The following NALF1 variants were observed in gnomAD, a reference collection of about 807,000 sequenced individuals.
NALF1 encodes the protein family with sequence similarity 155 member A.
NALF1 carries 3 observed loss-of-function variants against 48.4 expected under a neutral mutation model. The observed-to-expected ratio is 0.06, with a 90% CI of 0.03 to 0.16. The LOEUF (loss-of-function observed/expected upper bound fraction) is 0.16. Among genes scored for constraint, NALF1 ranks in the 10% least tolerant of loss-of-function variants. NALF1 has a pLI of 1.00. For missense variants in NALF1, 526 were observed against 571.5 expected (o/e 0.92, Z 0.81); for synonymous variants, 262 against 245.7 (o/e 1.07, Z -0.62).
chr13:107,534,224 T>G (rs1876732185), intron 1 of NALF1, among the ~76,000 whole-genome samples: 2 of 152,122 alleles, frequency 1.3e-5, no homozygotes, highest in Non-Finnish European at 2.9e-5. Context: ...CAGATGACTC[T>G]GGAAAGTATG....
At chr13:107,761,528 T>G (rs756543018) in intron 1 of NALF1, among the ~76,000 whole-genome samples, 1 of 152,170 alleles carries the variant, frequency 6.6e-6, no homozygotes, top group Non-Finnish European at 1.5e-5. Context: ...AAACTGATAT[T>G]CCACCTAGTC....
At chr13:107,384,327 T>A (rs945210428) in intron 1 of NALF1, among the ~76,000 whole-genome samples, 75 of 152,072 alleles carry the variant, frequency 4.9e-4, no homozygotes, top group African/African-American at 1.8e-3. Flanking sequence ...AACAAGTACA[T>A]CTAACCTCTA....
At chr13:107,592,891 CTTTA>C (rs1241587005) in intron 1 of NALF1, among the ~76,000 whole-genome samples, 1 of 151,842 alleles carries the variant, frequency 6.6e-6, no homozygotes, top group Non-Finnish European at 1.5e-5. Flanking sequence ...TATACACATT[CTTTA>C]TTTCTTTTTC....
In NALF1 at chr13:107,865,745, G is replaced by A; in HGVS notation, c.852C>T (p.Ser284=). The A allele has an allele frequency of 1.9e-6, 3 of 1,614,072 alleles. No individual in the cohort carries two copies. The highest frequency in any genetic ancestry group is 2.5e-6 in the Non-Finnish European group (3 of 1,180,014). The change falls in exon 1 of 3, where the codon AGC becomes AGT. Residue 284 remains serine (S), a synonymous_variant. Coordinates refer to ENST00000375915, the MANE Select transcript of NALF1 (RefSeq NM_001080396.3). ...CCGACTGTAAATATTTGTGGAGCAC[G>A]CTTTCAAACTCTTCGTATTTCTCCT... ...HAQEKYEEFE[S]VLHKYLQSEE...
At chr13:107,638,665 C>T (rs1880058963) in intron 1 of NALF1, among the ~76,000 whole-genome samples, 1 of 152,156 alleles carries the variant, frequency 6.6e-6, no homozygotes, top group Non-Finnish European at 1.5e-5. Flanking sequence ...AAGAGAGTAG[C>T]TGAGAAAGTT....
At chr13:107,679,145 G>A (rs1290848360) in intron 1 of NALF1, among the ~76,000 whole-genome samples, 1 of 151,956 alleles carries the variant, frequency 6.6e-6, no homozygotes, top group African/African-American at 2.4e-5. Context: ...GTTTCCTATA[G>A]TTTAAATATG....
chr13:107,772,695 G>A (rs1877612736), intron 1 of NALF1, among the ~76,000 whole-genome samples: 1 of 152,152 alleles, frequency 6.6e-6, no homozygotes, highest in Non-Finnish European at 1.5e-5. Flanking sequence ...AATATTTGTG[G>A]AAAACACTGT....
At chr13:107,704,157 G>A (rs1202092123) in intron 1 of NALF1, among the ~76,000 whole-genome samples, 1 of 152,044 alleles carries the variant, frequency 6.6e-6, no homozygotes, top group Non-Finnish European at 1.5e-5. Context: ...CTTATGTTTT[G>A]CTATGTAAAA....
At chr13:107,285,096 ATATGTC>A (rs2138876608) in intron 1 of NALF1, among the ~76,000 whole-genome samples, 1 of 152,320 alleles carries the variant, frequency 6.6e-6, no homozygotes, top group Non-Finnish European at 1.5e-5. Flanking sequence ...GGCATATATT[ATATGTC>A]TATGTGTACT....
Position 107,600,194 on chromosome 13 carries a change from C to T in NALF1, c.915+265488G>A, listed in dbSNP as rs746601468. Among the ~76,000 whole-genome samples the T allele has an allele frequency of 9.9e-5, 15 of 152,214 alleles. No homozygotes were observed. In the South Asian group the frequency reaches 1.0e-3, roughly 11 times the overall value. ...GGTTGAAGGTTGTGTGTTACAGTGA[C>T]GATTGGAAGACAGCAATGCAGCAAT... On this transcript the variant is annotated intron_variant, in intron 1 of 2. Coordinates refer to ENST00000375915, the MANE Select transcript of NALF1 (RefSeq NM_001080396.3).
At chr13:107,573,667 C>T (rs1447349553) in intron 1 of NALF1, among the ~76,000 whole-genome samples, 1 of 150,258 alleles carries the variant, frequency 6.7e-6, no homozygotes, top group Non-Finnish European at 1.5e-5. Context: ...GTAGCTCCCA[C>T]GATTCCCACA....
chr13:107,776,175 T>C (rs952324900), intron 1 of NALF1, among the ~76,000 whole-genome samples: 1 of 152,286 alleles, frequency 6.6e-6, no homozygotes, highest in African/African-American at 2.4e-5. Flanking sequence ...TTAGACACAT[T>C]GATTTGGCAG....
chr13:107,308,050 T>C (rs1429821698), intron 1 of NALF1, among the ~76,000 whole-genome samples: 1 of 152,162 alleles, frequency 6.6e-6, no homozygotes, highest in African/African-American at 2.4e-5. Flanking sequence ...AAATATGTCA[T>C]GTGACACCCT....
intron 1 of NALF1, among the ~76,000 whole-genome samples, chr13:107,760,950 T>C: frequency 6.6e-6 from 1 of 152,210 alleles, no homozygotes; most frequent in East Asian, 1.9e-4. Context: ...ATTCAAAGCA[T>C]GAAGTACCAC....
At chr13:107,646,841 T>C (rs1452750222) in intron 1 of NALF1, among the ~76,000 whole-genome samples, 4 of 152,110 alleles carry the variant, frequency 2.6e-5, no homozygotes, top group Non-Finnish European at 5.9e-5. Flanking sequence ...AATCAGAGTG[T>C]TCTCATTAGG....
chr13:107,559,351 G>A (rs1003218678), intron 1 of NALF1, among the ~76,000 whole-genome samples: 3 of 151,892 alleles, frequency 2.0e-5, no homozygotes, highest in Non-Finnish European at 4.4e-5. Flanking sequence ...AACAAAACAA[G>A]TTAAGGCAGC....
chr13:107,283,691 G>A lies in NALF1; in HGVS notation c.916-72936C>T, dbSNP rs888259023. Among the ~76,000 whole-genome samples the A allele has an allele frequency of 6.4e-4, 96 of 150,870 alleles. 1 individual carries two copies. The highest frequency in any genetic ancestry group is 3.4e-3 in the Middle Eastern group (1 of 292). On this transcript the variant is annotated intron_variant, in intron 1 of 2. Coordinates refer to ENST00000375915, the MANE Select transcript of NALF1 (RefSeq NM_001080396.3). ...TTTGTTGTTGTTGAGACAGAGTCTCGCTCTGTTGCCCAGGCTGGAGTGCAG... is the reference window on the plus strand; with the variant it reads ...TTTGTTGTTGTTGAGACAGAGTCTCACTCTGTTGCCCAGGCTGGAGTGCAG...
intron 1 of NALF1, among the ~76,000 whole-genome samples, chr13:107,298,938 T>A (rs1020851388): frequency 1.4e-4 from 20 of 147,696 alleles, no homozygotes; most frequent in African/African-American, 4.8e-4. Context: ...AATTTTACCA[T>A]TTTTTTCCCC....
At chr13:107,194,212 C>T (rs535551462) in intron 2 of NALF1, among the ~76,000 whole-genome samples, 6 of 152,252 alleles carry the variant, frequency 3.9e-5, no homozygotes, top group African/African-American at 1.4e-4. Context: ...ATACTTTCCT[C>T]ACATAGACAT....
Sources: gnomAD v4.1 joint callset for allele counts (sites outside exome capture counted in the v4.1 genomes callset) on GRCh38, gnomAD v4.1.1 for gene constraint, MANE v1.5 for transcripts, NCBI Gene and HGNC (gene_info 2026-07-23, HGNC 2026-07-21) for gene names.